ERI3: variants seen among roughly 807,000 people sequenced by gnomAD.
ERI3 encodes the protein ERI1 exoribonuclease 3.
In ERI3, 18 loss-of-function variants were observed where a neutral mutation model predicts 44.4. That is an observed-to-expected ratio of 0.41 (90% CI 0.28 to 0.60). The LOEUF (loss-of-function observed/expected upper bound fraction) is 0.60. Among genes scored for constraint, ERI3 ranks in the 20% least tolerant of loss-of-function variants. The pLI is 0.36. For synonymous variants in ERI3, 183 were observed against 164.8 expected (o/e 1.11, Z -0.84); for missense variants, 294 against 435.5 (o/e 0.68, Z 2.89).
At chr1:44,278,744 C>T (rs1006096090) in intron 7 of ERI3, among the ~76,000 whole-genome samples, 3 of 151,988 alleles carry the variant, frequency 2.0e-5, no homozygotes, top group Non-Finnish European at 2.9e-5. Context: ...GGATTACAGG[C>T]GCCCGCCACC....
At chr1:44,348,981 A>C in intron 2 of ERI3, among the ~76,000 whole-genome samples, 1 of 152,208 alleles carries the variant, frequency 6.6e-6, no homozygotes, top group African/African-American at 2.4e-5. Flanking sequence ...TTTGAGAGGC[A>C]CTTTACAAAG....
chr1:44,300,065 C>T (rs1229905738), intron 6 of ERI3, among the ~76,000 whole-genome samples: 1 of 152,148 alleles, frequency 6.6e-6, no homozygotes, highest in Non-Finnish European at 1.5e-5. Flanking sequence ...GACTCTCATC[C>T]ATGGTCAAGG....
chr1:44,342,128 G>C (rs1301437449), intron 2 of ERI3, among the ~76,000 whole-genome samples: 3 of 152,146 alleles, frequency 2.0e-5, no homozygotes, highest in African/African-American at 7.2e-5. Context: ...ATCTACAACG[G>C]GTGGAGTAGG....
At chr1:44,287,613 C>G (rs1645421142) in intron 6 of ERI3, among the ~76,000 whole-genome samples, 1 of 152,138 alleles carries the variant, frequency 6.6e-6, no homozygotes, top group East Asian at 1.9e-4. Flanking sequence ...GATAGATGTG[C>G]CCATGTGGGA....
chr1:44,336,462 G>A (rs2154330913), intron 3 of ERI3, among the ~76,000 whole-genome samples: 1 of 152,342 alleles, frequency 6.6e-6, no homozygotes, highest in Non-Finnish European at 1.5e-5. Context: ...GTTGATCACA[G>A]CATTGTAGAG....
chr1:44,344,173 G>T (rs962200431), intron 2 of ERI3, among the ~76,000 whole-genome samples: 1 of 151,746 alleles, frequency 6.6e-6, no homozygotes, highest in Non-Finnish European at 1.5e-5. Flanking sequence ...AGGAGGCAGG[G>T]TTTGCAGTGA....
intron 7 of ERI3, among the ~76,000 whole-genome samples, chr1:44,255,889 C>G (rs897738143): frequency 6.6e-6 from 1 of 152,142 alleles, no homozygotes; most frequent in Non-Finnish European, 1.5e-5. Context: ...CCTAGAACGC[C>G]CTCTGCCTTC....
chr1:44,324,575 G>A (rs1052100416), intron 3 of ERI3, among the ~76,000 whole-genome samples: 4 of 138,892 alleles, frequency 2.9e-5, no homozygotes, highest in African/African-American at 7.9e-5. Flanking sequence ...TCTGCCTCCC[G>A]GGTTCACGCC....
intron 2 of ERI3, among the ~76,000 whole-genome samples, chr1:44,341,684 C>T (rs1465818705): frequency 1.3e-5 from 2 of 151,962 alleles, no homozygotes; most frequent in East Asian, 1.9e-4. Flanking sequence ...CCCAGGAGTT[C>T]GAAACCAGCC....
chr1:44,336,466 T>C (rs1037395920), intron 3 of ERI3, among the ~76,000 whole-genome samples: 5 of 152,198 alleles, frequency 3.3e-5, no homozygotes, highest in Non-Finnish European at 7.3e-5. Context: ...ATCACAGCAT[T>C]GTAGAGGTTT....
intron 8 of ERI3, among the ~76,000 whole-genome samples, chr1:44,239,800 G>A (rs963797562): frequency 2.6e-5 from 4 of 152,346 alleles, no homozygotes; most frequent in African/African-American, 9.6e-5. Flanking sequence ...GGAGAGGAGG[G>A]AGAGGAGGGA....
intron 8 of ERI3, among the ~76,000 whole-genome samples, chr1:44,237,848 G>A (rs754093199): frequency 5.9e-5 from 9 of 152,100 alleles, no homozygotes; most frequent in African/African-American, 1.4e-4. Flanking sequence ...CGAAGGCCAC[G>A]GTCTGCATGC....
chr1:44,221,300 C>T lies in ERI3; in HGVS notation c.*258G>A, dbSNP rs544877945. 101 of 504,782 alleles carry T rather than the reference C, an allele frequency of 2.0e-4. No homozygotes were observed. Among genetic ancestry groups the T allele is most frequent in the Non-Finnish European group, 3.4e-4 (95 of 280,226 alleles). 31.3% of individuals were successfully genotyped at this position (504,782 alleles called of 1,614,324 possible). On this transcript the variant is annotated 3_prime_UTR_variant, in exon 9 of 9. Coordinates refer to ENST00000372257, the MANE Select transcript of ERI3 (RefSeq NM_024066.3). The surrounding 1 kb of genome is among the most constrained non-coding windows in gnomAD (Gnocchi z 5.9). ...TGCCTGGGTCCCCCTAGCCCAGGCC[C>T]GCAATGGGAGGGGCTGATACTGGGC...
intron 4 of ERI3, among the ~76,000 whole-genome samples, chr1:44,314,364 T>A (rs1409567174): frequency 6.6e-6 from 1 of 152,214 alleles, no homozygotes; most frequent in African/African-American, 2.4e-5. Context: ...CAAGTCATTA[T>A]TAGGTGGTAT....
intron 1 of ERI3, chr1:44,353,131 T>C (rs115845110): frequency 0.018 from 17,411 of 985,384 alleles, 199 homozygotes; most frequent in Non-Finnish European, 0.02. Context: ...ATACTTTTGC[T>C]CCTAAGGAGG....
chr1:44,239,945 T>G (rs1274236427), intron 8 of ERI3, among the ~76,000 whole-genome samples: 1 of 152,180 alleles, frequency 6.6e-6, no homozygotes, highest in Non-Finnish European at 1.5e-5. Context: ...CTTGCCTAAC[T>G]AGCAGCCATG....
chr1:44,281,603 T>TAA (rs1645287396), intron 7 of ERI3, among the ~76,000 whole-genome samples: 1 of 102,080 alleles, frequency 9.8e-6, no homozygotes, highest in Non-Finnish European at 2.0e-5. Flanking sequence ...AAAAAAAAAA[T>TAA]ATATATATAT....
In ERI3 at chr1:44,221,980, G is replaced by A. The variant is rs1017957769; in HGVS notation, c.932-340C>T. On this transcript the variant is annotated intron_variant, in intron 8 of 8. Transcript: ENST00000372257. This position sits in a 1 kb window ranked among gnomAD's most constrained non-coding sequence, Gnocchi z 5.9. ...ATTTCTCCCTTGACGGCCCCCGGCC[G>A]CTGGGCGATCCTTCTTGTTGCTGCC... 3.9e-5 allele frequency among the ~76,000 whole-genome samples: 6 copies of A among 152,224 alleles called. No individual in the cohort carries two copies. The highest frequency in any genetic ancestry group is 7.2e-5 in the African/African-American group (3 of 41,454).
chr1:44,257,465 G>A (rs1644804641), intron 7 of ERI3, among the ~76,000 whole-genome samples: 2 of 152,296 alleles, frequency 1.3e-5, no homozygotes, highest in African/African-American at 4.8e-5. Flanking sequence ...GACAGTCCAG[G>A]GTGCTGGTCC....
Sources: allele counts gnomAD v4.1 joint callset (sites outside exome capture counted in the v4.1 genomes callset), GRCh38; gene constraint gnomAD v4.1.1; non-coding constraint Gnocchi (gnomAD v3.1); transcripts MANE v1.5; gene names NCBI Gene and HGNC (gene_info 2026-07-23, HGNC 2026-07-21).